The following PIEZO2 variants were observed in gnomAD, a reference collection of about 807,000 sequenced individuals.
PIEZO2 encodes the protein piezo-type mechanosensitive ion channel component 2.
PIEZO2 carries 172 observed loss-of-function variants against 337.3 expected under a neutral mutation model. That is an observed-to-expected ratio of 0.51 (90% CI 0.45 to 0.58). PIEZO2 has a LOEUF of 0.58. Among genes scored for constraint, PIEZO2 ranks in the 20% least tolerant of loss-of-function variants. PIEZO2 has a pLI of 0.00. For synonymous variants in PIEZO2, 1,251 were observed against 1,228.5 expected (o/e 1.02, Z -0.38); for missense variants, 3,028 against 3,391.3 (o/e 0.89, Z 2.66).
At chr18:10,681,791 A>C in intron 50 of PIEZO2, 38 bp from the exon 51 acceptor site, 1 of 1,491,004 alleles carries the variant, frequency 6.7e-7, no homozygotes, top group East Asian at 2.3e-5. Context: ...AATATTCCCC[A>C]GCTCTTCTCT....
Position 11,148,812 on chromosome 18 carries a change from C to T in PIEZO2, c.-224G>A. ...GCTCTGGGTAGCCCCTCACCAGGCT[C>T]TTGGCGGCCACCTAGCCCGGCGCCC... is the stretch of plus-strand genomic sequence containing the variant. On this transcript the variant is annotated 5_prime_UTR_variant, in exon 1 of 56. Transcript: ENST00000674853. The surrounding 1 kb of genome is among the most constrained non-coding windows in gnomAD (Gnocchi z 5.2). 2.2e-6 allele frequency: 1 copy of T among 462,490 alleles called. No individual in the cohort carries two copies. Among genetic ancestry groups the T allele is most frequent in the Non-Finnish European group, 3.8e-6 (1 of 266,240 alleles). The allele number at this position is 462,490 out of a possible 1,614,324, so 28.6% of individuals were successfully genotyped here.
rs2036136045 is a variant in PIEZO2 at position 11,016,932 on chromosome 18, A to G, written c.161-37272T>C. 6.6e-6 allele frequency among the ~76,000 whole-genome samples: 1 copy of G among 152,132 alleles called. No homozygotes were observed. Among genetic ancestry groups the G allele is most frequent in the Admixed American group, 6.5e-5 (1 of 15,272 alleles). On this transcript the variant is annotated intron_variant, in intron 2 of 55. Transcript: ENST00000674853. This position sits in a 1 kb window ranked among gnomAD's most constrained non-coding sequence, Gnocchi z 5.6. Reference sequence around the variant, plus strand: ...GCTGATGTTTAAACATGGAGTTGGGAGAGACACTGACAAGCTGAGGGAAGT... The same window carrying G: ...GCTGATGTTTAAACATGGAGTTGGGGGAGACACTGACAAGCTGAGGGAAGT...
chr18:10,885,285 G>A (rs924631758), intron 4 of PIEZO2, among the ~76,000 whole-genome samples: 4 of 152,086 alleles, frequency 2.6e-5, no homozygotes, highest in African/African-American at 9.7e-5. Flanking sequence ...TTAGCTGGGC[G>A]TGGTGGCAGG....
intron 1 of PIEZO2, among the ~76,000 whole-genome samples, chr18:11,107,757 T>G (rs909671483): frequency 2.0e-5 from 3 of 152,188 alleles, no homozygotes; most frequent in African/African-American, 7.2e-5. Flanking sequence ...AATTTTACAT[T>G]AGGACGACAG....
At chr18:11,058,814 C>T (rs2037826606) in intron 2 of PIEZO2, among the ~76,000 whole-genome samples, 3 of 152,158 alleles carry the variant, frequency 2.0e-5, no homozygotes, top group Non-Finnish European at 2.9e-5. Flanking sequence ...AGAATGGAAC[C>T]AAGTTGGAAA....
chr18:11,045,927 A>T (rs1266635881), intron 2 of PIEZO2, among the ~76,000 whole-genome samples: 1 of 152,086 alleles, frequency 6.6e-6, no homozygotes, highest in African/African-American at 2.4e-5. Flanking sequence ...TAGTCCCACC[A>T]CTCACTGTTG....
At chr18:10,808,227 C>CA (rs768894548) in intron 7 of PIEZO2, among the ~76,000 whole-genome samples, 1 of 152,126 alleles carries the variant, frequency 6.6e-6, no homozygotes, top group Non-Finnish European at 1.5e-5. Context: ...TCGCTAGGAA[C>CA]ACAAGGGTAT....
chr18:10,730,621 T>C (rs2036725089), intron 36 of PIEZO2, among the ~76,000 whole-genome samples: 1 of 152,218 alleles, frequency 6.6e-6, no homozygotes, highest in African/African-American at 2.4e-5. Flanking sequence ...AATATCTTGG[T>C]ATAACGCTGA....
At chr18:10,923,209 T>C (rs1375505531) in intron 3 of PIEZO2, among the ~76,000 whole-genome samples, 5 of 152,174 alleles carry the variant, frequency 3.3e-5, no homozygotes, top group Non-Finnish European at 7.4e-5. Context: ...TCTGCTTCTA[T>C]AATGGATCAG....
intron 1 of PIEZO2, among the ~76,000 whole-genome samples, chr18:11,076,429 C>A (rs2038547650): frequency 6.6e-6 from 1 of 152,080 alleles, no homozygotes; most frequent in Admixed American, 6.5e-5. Context: ...GAAAAAAATC[C>A]AGTAAAACCA....
intron 1 of PIEZO2, among the ~76,000 whole-genome samples, chr18:11,117,688 C>G (rs1483421161): frequency 6.6e-6 from 1 of 152,172 alleles, no homozygotes; most frequent in African/African-American, 2.4e-5. Context: ...TATATGGGAT[C>G]AAAACGTGGC....
rs145681434 is a variant in PIEZO2 at position 11,078,048 on chromosome 18, A to C, written c.65-11826T>G. On this transcript the variant is annotated intron_variant, in intron 1 of 55. Coordinates refer to ENST00000674853, the MANE Select transcript of PIEZO2 (RefSeq NM_001378183.1). The surrounding 1 kb of genome is among the most constrained non-coding windows in gnomAD (Gnocchi z 5.3). ...CGTGCACACACACCCACACACACCC[A>C]CACACACACACACACACACCACACA... 2.6e-4 allele frequency among the ~76,000 whole-genome samples: 15 copies of C among 56,796 alleles called. No homozygotes were observed. Among genetic ancestry groups the C allele is most frequent in the Non-Finnish European group, 4.7e-4 (14 of 29,718 alleles). 37.3% of individuals were successfully genotyped at this position (56,796 alleles called of 152,430 possible).
chr18:11,124,126 C>A (rs1181330596), intron 1 of PIEZO2, among the ~76,000 whole-genome samples: 1 of 152,130 alleles, frequency 6.6e-6, no homozygotes, highest in Non-Finnish European at 1.5e-5. Context: ...TTGTGCCTGG[C>A]AGACAATAGA....
At chr18:10,881,383 T>A (rs971684586) in intron 4 of PIEZO2, among the ~76,000 whole-genome samples, 4 of 152,208 alleles carry the variant, frequency 2.6e-5, no homozygotes, top group Admixed American at 1.3e-4. Context: ...AAGGGTATAC[T>A]GGTTATTTAT....
intron 3 of PIEZO2, among the ~76,000 whole-genome samples, chr18:10,958,937 C>A (rs1323193475): frequency 1.3e-5 from 2 of 152,074 alleles, no homozygotes; most frequent in Non-Finnish European, 2.9e-5. Flanking sequence ...TTAAAAATTA[C>A]ATCATTATTG....
chr18:10,948,554 G>C (rs111800901), intron 3 of PIEZO2, among the ~76,000 whole-genome samples: 2 of 152,160 alleles, frequency 1.3e-5, no homozygotes, highest in African/African-American at 4.8e-5. Flanking sequence ...GGTGTTGAGA[G>C]TCTGTGAGTG....
In PIEZO2 at chr18:10,783,556, G is replaced by A. The variant is rs1210468382; in HGVS notation, c.2492+1228C>T. ...TAATGCTTGATCATCACTGAAGGTA[G>A]CAGGAGTACAGATATGGAGATGGTA... On this transcript the variant is annotated intron_variant, in intron 17 of 55. Coordinates refer to ENST00000674853, the MANE Select transcript of PIEZO2 (RefSeq NM_001378183.1). The surrounding 1 kb of genome is among the most constrained non-coding windows in gnomAD (Gnocchi z 4.3). Among the ~76,000 whole-genome samples the A allele has an allele frequency of 2.6e-5, 4 of 152,146 alleles. No individual in the cohort carries two copies. Among genetic ancestry groups the A allele is most frequent in the African/African-American group, 9.7e-5 (4 of 41,428 alleles).
At chr18:10,926,498 C>A (rs1364318187) in intron 3 of PIEZO2, among the ~76,000 whole-genome samples, 1 of 152,156 alleles carries the variant, frequency 6.6e-6, no homozygotes, top group Non-Finnish European at 1.5e-5. Flanking sequence ...CTATGAAAAT[C>A]TGGGCCCAAT....
At position 10,795,065 on chromosome 18, in the gene PIEZO2, G is replaced by A; in HGVS notation, c.1528-63C>T. On this transcript the variant is annotated intron_variant, in intron 12 of 55. Coordinates refer to ENST00000674853, the MANE Select transcript of PIEZO2 (RefSeq NM_001378183.1). The surrounding 1 kb of genome is among the most constrained non-coding windows in gnomAD (Gnocchi z 4.4). The stretch of plus-strand genomic sequence containing the variant: ...TACAATGCTCAGTCCCCCCCGCCCT[G>A]GTAAGGTAAAAACTATCTAAAAAGA... 1.5e-6 allele frequency: 2 copies of A among 1,346,136 alleles called. No homozygotes were observed. The highest frequency in any genetic ancestry group is 1.0e-6 in the Non-Finnish European group (1 of 978,016). 83.4% of individuals were successfully genotyped at this position (1,346,136 alleles called of 1,614,324 possible).
Sources: gnomAD v4.1 joint callset for allele counts (sites outside exome capture counted in the v4.1 genomes callset) on GRCh38, gnomAD v4.1.1 for gene constraint, Gnocchi (gnomAD v3.1) non-coding constraint, MANE v1.5 for transcripts, NCBI Gene and HGNC (gene_info 2026-07-23, HGNC 2026-07-21) for gene names.